Variants in RNF175 observed in about 807,000 individuals in gnomAD.
RNF175 encodes ring finger protein 175.
RNF175 carries 38 observed loss-of-function variants against 50.0 expected under a neutral mutation model. The ratio of observed to expected loss-of-function variants is 0.76; its 90% CI spans 0.59 to 1.00. The LOEUF (loss-of-function observed/expected upper bound fraction) is 1.00. RNF175 is among the 50% of genes least tolerant of loss of function. The pLI is 0.00. For missense variants in RNF175, 388 were observed against 409.6 expected (o/e 0.95, Z 0.46); for synonymous variants, 155 against 146.1 (o/e 1.06, Z -0.44).
intron 3 of RNF175, among the ~76,000 whole-genome samples, chr4:153,746,158 T>C (rs963289787): frequency 1.3e-5 from 2 of 152,146 alleles, no homozygotes; most frequent in Admixed American, 6.5e-5. Context: ...TCTTCCAAAA[T>C]ACAATGACAG....
chr4:153,719,408 T>C (rs1738186158), intron 6 of RNF175, among the ~76,000 whole-genome samples: 1 of 152,236 alleles, frequency 6.6e-6, no homozygotes, highest in South Asian at 2.1e-4. Context: ...ACTTCACATC[T>C]GGCTGTGTAC....
intron 4 of RNF175, among the ~76,000 whole-genome samples, chr4:153,724,434 G>A (rs1476843234): frequency 6.6e-6 from 1 of 152,170 alleles, no homozygotes; most frequent in Non-Finnish European, 1.5e-5. Context: ...GCTTACAAGG[G>A]TGTGCAATGG....
Position 153,724,353 on chromosome 4 carries a change from G to A in RNF175, c.402-895C>T, listed in dbSNP as rs549840532. On this transcript the variant is annotated intron_variant, in intron 4 of 8. Transcript: ENST00000347063. The stretch of plus-strand genomic sequence containing the variant: ...AGAGGGGCTATGCCCATTGGTACAA[G>A]AGGTAGTGGATGGAAAAGCTGGGGG... Among the ~76,000 whole-genome samples the A allele has an allele frequency of 6.4e-4, 97 of 152,360 alleles. 1 individual carries two copies. The highest frequency in any genetic ancestry group is 2.3e-3 in the African/African-American group (95 of 41,576).
At chr4:153,758,101 G>A (rs1395392629) in intron 1 of RNF175, among the ~76,000 whole-genome samples, 1 of 152,144 alleles carries the variant, frequency 6.6e-6, no homozygotes, top group Non-Finnish European at 1.5e-5. Flanking sequence ...TTCAGGTAGT[G>A]ATAAGGGTGA....
At chr4:153,730,471 G>A (rs991462139) in intron 3 of RNF175, among the ~76,000 whole-genome samples, 6 of 151,810 alleles carry the variant, frequency 4.0e-5, no homozygotes, top group Non-Finnish European at 8.8e-5. Flanking sequence ...AATCTTATCA[G>A]CATATTGGTC....
At chr4:153,753,994 T>C (rs920042684) in intron 1 of RNF175, among the ~76,000 whole-genome samples, 14 of 150,764 alleles carry the variant, frequency 9.3e-5, no homozygotes, top group Non-Finnish European at 1.6e-4. Context: ...CATGGTGAAA[T>C]CCCGTCTCTA....
At chr4:153,747,221 G>A (rs56196855) in intron 3 of RNF175, among the ~76,000 whole-genome samples, 3,334 of 152,308 alleles carry the variant, frequency 0.022, 66 homozygotes, top group Non-Finnish European at 0.038. Context: ...TCACTTGGCT[G>A]TACTGCAAGT....
At chr4:153,727,159 A>G (rs1365400647) in intron 4 of RNF175, among the ~76,000 whole-genome samples, 1 of 152,178 alleles carries the variant, frequency 6.6e-6, no homozygotes, top group Non-Finnish European at 1.5e-5. Flanking sequence ...CACAAATCTT[A>G]AATAACTTAG....
At chr4:153,755,789 C>G (rs1185509649) in intron 1 of RNF175, among the ~76,000 whole-genome samples, 1 of 151,952 alleles carries the variant, frequency 6.6e-6, no homozygotes, top group African/African-American at 2.4e-5. Context: ...AAATGCTCAC[C>G]AAGTACCCAG....
At position 153,748,440 on chromosome 4, in the gene RNF175, AC is replaced by A. The variant is rs1356685319; in HGVS notation, c.246+204del. On this transcript the variant is annotated intron_variant, in intron 3 of 8. Transcript: ENST00000347063. Reference sequence around the variant, plus strand: ...AGTTGCAACTCCCCTCCCCCTTTTCACCCCCCACAAGTCTTGACAGTCAAAA... The same window carrying A: ...AGTTGCAACTCCCCTCCCCCTTTTCACCCCCACAAGTCTTGACAGTCAAAA... The A allele has an allele frequency of 2.3e-5, 10 of 426,506 alleles. No homozygotes were observed. The East Asian group carries it at 3.1e-4, about 13-fold the overall frequency. 26.4% of individuals were successfully genotyped at this position (426,506 alleles called of 1,614,324 possible). A position where few individuals can be genotyped will look rare whatever the true frequency, so the allele number is the denominator to read the frequency against.
chr4:153,714,002 T>A (rs758737726), intron 7 of RNF175: 24 of 152,240 alleles, frequency 1.6e-4, no homozygotes, highest in African/African-American at 5.1e-4. Context: ...CTTGTTAATA[T>A]GACTCATATT....
chr4:153,739,947 T>G (rs1018281778), intron 3 of RNF175, among the ~76,000 whole-genome samples: 1 of 152,164 alleles, frequency 6.6e-6, no homozygotes, highest in Non-Finnish European at 1.5e-5. Context: ...CCATTATCTC[T>G]TTCTTCTCCT....
intron 6 of RNF175, among the ~76,000 whole-genome samples, chr4:153,718,209 GTTTT>G (rs1238895381): frequency 1.1e-5 from 1 of 92,596 alleles, no homozygotes; most frequent in Non-Finnish European, 2.0e-5. Flanking sequence ...TTCCTAAGGA[GTTTT>G]TTTTGTTTGT....
intron 4 of RNF175, among the ~76,000 whole-genome samples, chr4:153,725,453 G>A (rs751208695): frequency 2.6e-5 from 4 of 152,114 alleles, no homozygotes; most frequent in Admixed American, 6.5e-5. Flanking sequence ...CTTGAACTCC[G>A]CACACACTGG....
intron 3 of RNF175, among the ~76,000 whole-genome samples, chr4:153,735,930 G>C (rs932229891): frequency 4.6e-5 from 7 of 152,170 alleles, no homozygotes; most frequent in Non-Finnish European, 7.3e-5. Context: ...ATGTAAGATG[G>C]TTTTAATTTT....
In RNF175 at chr4:153,723,388, T is replaced by C; in HGVS notation, c.472A>G (p.Ile158Val). The C allele has an allele frequency of 6.2e-7, 1 of 1,603,832 alleles. No homozygotes were observed. Among genetic ancestry groups the C allele is most frequent in the Non-Finnish European group, 8.5e-7 (1 of 1,171,160 alleles). The change falls in exon 5 of 9, where the codon ATC becomes GTC. Residue 158 changes from isoleucine (I) to valine (V), a missense_variant. Ile to Val is a conservative substitution (Grantham distance 29, BLOSUM62 3). Coordinates refer to ENST00000347063, the MANE Select transcript of RNF175 (RefSeq NM_173662.4). ...YAFGVVGYLAIMFTMCGFNLF... is the reference protein window; with the variant it reads ...YAFGVVGYLAVMFTMCGFNLF... ...TTGAATCCACACATTGTAAACATGA[T>C]CGCCAAGTAACCCACAACACCAAAT... is the stretch of plus-strand genomic sequence containing the variant.
chr4:153,759,500 A>G (rs986586773), intron 1 of RNF175, among the ~76,000 whole-genome samples: 3 of 152,082 alleles, frequency 2.0e-5, no homozygotes, highest in African/African-American at 7.2e-5. Flanking sequence ...TGAGCCTGGA[A>G]GAGAAAGTGC....
At chr4:153,739,034 C>G (rs1468630366) in intron 3 of RNF175, among the ~76,000 whole-genome samples, 1 of 152,186 alleles carries the variant, frequency 6.6e-6, no homozygotes, top group African/African-American at 2.4e-5. Context: ...TCTTATAATA[C>G]TGCTATCATT....
chr4:153,752,926 C>A (rs1740366387), intron 1 of RNF175, among the ~76,000 whole-genome samples: 1 of 152,036 alleles, frequency 6.6e-6, no homozygotes, highest in Non-Finnish European at 1.5e-5. Flanking sequence ...CTAGTAATAA[C>A]TGTGTTTAAA....
Sources: gnomAD v4.1 joint callset for allele counts (sites outside exome capture counted in the v4.1 genomes callset) on GRCh38, gnomAD v4.1.1 for gene constraint, MANE v1.5 for transcripts, NCBI Gene and HGNC (gene_info 2026-07-23, HGNC 2026-07-21) for gene names.